BRCA1: variants seen among roughly 807,000 people sequenced by gnomAD.
BRCA1 encodes the protein breast cancer type 1 susceptibility protein.
Under a neutral mutation model 173.7 loss-of-function variants are expected in BRCA1, and 140 were observed. That is an observed-to-expected ratio of 0.81 (90% confidence interval 0.70 to 0.93). The LOEUF is 0.93. Ranked by LOEUF, BRCA1 falls within the 40% of genes least tolerant of loss-of-function variation. The pLI, the probability that BRCA1 is intolerant of heterozygous loss-of-function variation, is 0.00. For missense variants in BRCA1, 1,983 were observed against 2,172.5 expected (o/e 0.91, Z 1.73); for synonymous variants, 662 against 756.0 (o/e 0.88, Z 2.04).
chr17:43,055,133 A>C (rs1466101066), intron 19 of BRCA1, among the ~76,000 whole-genome samples: 1 of 152,192 alleles, frequency 6.6e-6, no homozygotes, highest in Admixed American at 6.5e-5. Flanking sequence ...GGAGCTGAGA[A>C]AGCAGCCAGC....
chr17:43,049,677 A>C lies in BRCA1; in HGVS notation c.5333-483T>G, dbSNP rs967027857. Among the ~76,000 whole-genome samples the C allele has an allele frequency of 3.9e-5, 6 of 152,150 alleles. No homozygotes were observed. Among genetic ancestry groups the C allele is most frequent in the African/African-American group, 1.4e-4 (6 of 41,440 alleles). On this transcript the variant is annotated intron_variant, in intron 20 of 22. Transcript: ENST00000357654. ...ATAATTCATCCAGTCAAAAAAATACATGTTATCCTGGTTAGAGACTCAGCA... is the reference window on the plus strand; with the variant it reads ...ATAATTCATCCAGTCAAAAAAATACCTGTTATCCTGGTTAGAGACTCAGCA...
At chr17:43,067,832 GT>G (rs1371685329) in intron 15 of BRCA1, 137 bp from the exon 16 acceptor site, 6 of 326,328 alleles carry the variant, frequency 1.8e-5, no homozygotes, top group Non-Finnish European at 3.1e-5. Flanking sequence ...ACTATTTAAA[GT>G]GAATTTTTTT....
chr17:43,141,606 A>G (rs2056076030), intron 1 of BRCA1, among the ~76,000 whole-genome samples: 1 of 151,830 alleles, frequency 6.6e-6, no homozygotes, highest in Admixed American at 6.6e-5. Flanking sequence ...CGAGGTCAGG[A>G]GATCGAGACC....
intron 11 of BRCA1, among the ~76,000 whole-genome samples, chr17:43,086,149 G>A (rs1261345988): frequency 4.5e-5 from 4 of 89,854 alleles, no homozygotes; most frequent in African/African-American, 2.0e-4. Context: ...CACACACACA[G>A]AAGTCCCCAC....
chr17:43,049,247 C>T, intron 20 of BRCA1, 53 bp from the exon 21 acceptor site: 2 of 1,527,310 alleles, frequency 1.3e-6, no homozygotes, highest in Non-Finnish European at 1.8e-6. Flanking sequence ...ATACTTAACC[C>T]AGGCCCTCTA....
At chr17:43,106,556 G>T (rs763633355) in intron 3 of BRCA1, 23 bp from the exon 4 acceptor site, 4 of 1,519,488 alleles carry the variant, frequency 2.6e-6, no homozygotes, top group South Asian at 1.1e-5. Context: ...AAGAAAGAAA[G>T]AACAATTTAA....
chr17:43,132,401 A>C lies in BRCA1; in HGVS notation c.-19-8286T>G, dbSNP rs1340700728. ...TTTTAAGGAAGTCCCAGCAAATAAT[A>C]TGGGATAGAGGTGAGATCCAAACCT... On this transcript the variant is annotated intron_variant, in intron 1 of 7. Transcript: ENST00000634433. 2.0e-5 allele frequency among the ~76,000 whole-genome samples: 3 copies of C among 152,098 alleles called. No homozygotes were observed. In the East Asian group the frequency reaches 5.8e-4, roughly 29 times the overall value.
chr17:43,100,685 A>ATG (rs2054424448), intron 6 of BRCA1, among the ~76,000 whole-genome samples: 3 of 10,206 alleles, frequency 2.9e-4, no homozygotes, highest in Non-Finnish European at 9.0e-4. Flanking sequence ...TATAATATAT[A>ATG]TATATATATA....
At chr17:43,115,415 T>C (rs1215615063) in intron 3 of BRCA1, among the ~76,000 whole-genome samples, 1 of 151,086 alleles carries the variant, frequency 6.6e-6, no homozygotes, top group Non-Finnish European at 1.5e-5. Context: ...GGTAGAAGAA[T>C]CGCTTGAACT....
intron 9 of BRCA1, 96 bp downstream of exon 9, chr17:43,095,749 TA>T: frequency 9.8e-7 from 1 of 1,024,534 alleles, no homozygotes; most frequent in Non-Finnish European, 1.5e-6. Context: ...TTGTGGGTTG[TA>T]AAGGTCCCAA....
At chr17:43,087,670 A>C (rs1425242775) in intron 11 of BRCA1, among the ~76,000 whole-genome samples, 1 of 151,772 alleles carries the variant, frequency 6.6e-6, no homozygotes, top group Non-Finnish European at 1.5e-5. Context: ...CTCAGAAAAA[A>C]AAAAAAAAAA....
intron 11 of BRCA1, among the ~76,000 whole-genome samples, chr17:43,087,761 G>A (rs181758527): frequency 6.6e-6 from 1 of 152,108 alleles, no homozygotes. Context: ...TTGAGACAGG[G>A]TCTCACCATA....
intron 2 of BRCA1, among the ~76,000 whole-genome samples, chr17:43,121,759 A>G (rs2055589802): frequency 6.6e-6 from 1 of 152,098 alleles, no homozygotes; most frequent in Admixed American, 6.5e-5. Flanking sequence ...GCTAGAAAAC[A>G]TAATAGTTGA....
chr17:43,088,360 G>GAATTTA (rs1231082247), intron 11 of BRCA1, among the ~76,000 whole-genome samples: 3 of 150,892 alleles, frequency 2.0e-5, no homozygotes, highest in Non-Finnish European at 4.4e-5. Context: ...TCCATCCTAT[G>GAATTTA]AATTTATCTT....
In BRCA1 at chr17:43,094,155, T is replaced by A; in HGVS notation, c.1376A>T (p.Lys459Ile). The A allele has an allele frequency of 6.2e-7, 1 of 1,614,090 alleles. No homozygotes were observed. Among genetic ancestry groups the A allele is most frequent in the South Asian group, 1.1e-5 (1 of 91,076 alleles). ...CTTCCGATAGGTTTTCCCAAATATT[T>A]TGTCTTCAATATTACTCTCTACTGA... is the stretch of plus-strand genomic sequence containing the variant. ...SKSVESNIEDKIFGKTYRKKA... is the reference protein window; with the variant it reads ...SKSVESNIEDIIFGKTYRKKA... The change falls in exon 10 of 23, where the codon AAA (lysine) becomes ATA (isoleucine). Residue 459 changes from lysine to isoleucine, a missense_variant. Coordinates refer to ENST00000357654, the MANE Select transcript of BRCA1 (RefSeq NM_007294.4).
At chr17:43,116,058 T>C (rs1054751142) in intron 2 of BRCA1, among the ~76,000 whole-genome samples, 1 of 152,210 alleles carries the variant, frequency 6.6e-6, no homozygotes, top group Non-Finnish European at 1.5e-5. Flanking sequence ...AAAAGATTAG[T>C]TGATAATAGT....
At chr17:43,104,765 G>T in intron 5 of BRCA1, 103 bp downstream of exon 5, 1 of 1,025,116 alleles carries the variant, frequency 9.8e-7, no homozygotes. Context: ...AATTAACCTA[G>T]ACTAAAAGGT....
At chr17:43,121,078 G>GA (rs1302804649) in intron 2 of BRCA1, among the ~76,000 whole-genome samples, 3 of 137,538 alleles carry the variant, frequency 2.2e-5, no homozygotes, top group East Asian at 2.2e-4. Flanking sequence ...CCCCCACCCC[G>GA]AAAAAAAAAG....
At chr17:43,074,869 C>A (rs895735903) in intron 13 of BRCA1, among the ~76,000 whole-genome samples, 1 of 151,026 alleles carries the variant, frequency 6.6e-6, no homozygotes, top group East Asian at 1.9e-4. Context: ...TGCAGTGAGC[C>A]GAGATCACGC....
Sources: gnomAD v4.1 joint callset for allele counts (sites outside exome capture counted in the v4.1 genomes callset) on GRCh38, gnomAD v4.1.1 for gene constraint, MANE v1.5 for transcripts, NCBI Gene and HGNC (gene_info 2026-07-23, HGNC 2026-07-21) for gene names.